Variants in PCDHGA10 observed in about 807,000 individuals in gnomAD.
PCDHGA10 encodes protocadherin gamma-A10.
In PCDHGA10, 42 loss-of-function variants were observed where a neutral mutation model predicts 59.5. The observed-to-expected ratio is 0.71, with a 90% CI of 0.55 to 0.91. PCDHGA10 has a LOEUF of 0.91. Among genes scored for constraint, PCDHGA10 ranks in the 40% least tolerant of loss-of-function variants. The pLI is 0.00. For synonymous variants in PCDHGA10, 511 were observed against 517.2 expected, an observed-to-expected ratio of 0.99 and a Z score of 0.16; for missense variants, 1,111 against 1,198.2, an observed-to-expected ratio of 0.93 and a Z score of 1.07.
intron 3 of PCDHGA10, among the ~76,000 whole-genome samples, chr5:141,507,918 G>C (rs1409126707): frequency 6.6e-6 from 1 of 152,208 alleles, no homozygotes; most frequent in Non-Finnish European, 1.5e-5. Flanking sequence ...CAGGCCTGTG[G>C]GGCTGCTGAG....
intron 1 of PCDHGA10, chr5:141,441,986 C>A (rs2098288559): frequency 1.1e-5 from 3 of 269,098 alleles, no homozygotes; most frequent in South Asian, 7.5e-5. Context: ...GAATGCGCAC[C>A]GACGAGGTGC....
chr5:141,491,048 C>G lies in PCDHGA10; in HGVS notation c.2437-3759C>G. On this transcript the variant is annotated intron_variant, in intron 1 of 3. Coordinates refer to ENST00000398610, the MANE Select transcript of PCDHGA10 (RefSeq NM_018913.3). The surrounding 1 kb of genome is among the most constrained non-coding windows in gnomAD (Gnocchi z 6.9). ...GTGGATGCTGATGCAGGCCACAATGCGTGGCTCTCCTACTCACTGTTGCCA... is the reference window on the plus strand; with the variant it reads ...GTGGATGCTGATGCAGGCCACAATGGGTGGCTCTCCTACTCACTGTTGCCA... 1.2e-6 allele frequency: 2 copies of G among 1,614,066 alleles called. No individual in the cohort carries two copies. Among genetic ancestry groups the G allele is most frequent in the Non-Finnish European group, 8.5e-7 (1 of 1,179,952 alleles).
At chr5:141,418,423 T>G (rs1469880702) in intron 1 of PCDHGA10, 1 of 1,613,868 alleles carries the variant, frequency 6.2e-7, no homozygotes. Flanking sequence ...ATCCTGATGG[T>G]GGCAAATATC....
At chr5:141,421,718 G>C (rs778263773) in intron 1 of PCDHGA10, 1 of 1,613,966 alleles carries the variant, frequency 6.2e-7, no homozygotes, top group Middle Eastern at 1.7e-4. Context: ...CCAGATGTGG[G>C]CGTGAACTCC....
chr5:141,463,644 G>C (rs1356692609), intron 1 of PCDHGA10, among the ~76,000 whole-genome samples: 1 of 151,596 alleles, frequency 6.6e-6, no homozygotes, highest in Non-Finnish European at 1.5e-5. Context: ...GTAGAGACGG[G>C]GTTTCACCGT....
At chr5:141,451,812 C>T (rs974567828) in intron 1 of PCDHGA10, among the ~76,000 whole-genome samples, 1 of 149,686 alleles carries the variant, frequency 6.7e-6, no homozygotes, top group Non-Finnish European at 1.5e-5. Context: ...ACCCAGGAGG[C>T]GGAGGTTACA....
intron 1 of PCDHGA10, among the ~76,000 whole-genome samples, chr5:141,475,620 G>A (rs2154572702): frequency 6.6e-6 from 1 of 152,238 alleles, no homozygotes; most frequent in Admixed American, 6.5e-5. Flanking sequence ...TTTTCGGTTT[G>A]GTTCGATCCC....
chr5:141,422,968 C>T lies in PCDHGA10; in HGVS notation c.2436+7357C>T. 6.2e-7 allele frequency: 1 copy of T among 1,614,240 alleles called. No homozygotes were observed. Among genetic ancestry groups the T allele is most frequent in the South Asian group, 1.1e-5 (1 of 91,086 alleles). On this transcript the variant is annotated intron_variant, in intron 1 of 3. Coordinates refer to ENST00000398610, the MANE Select transcript of PCDHGA10 (RefSeq NM_018913.3). ...CTCCACTGGCGTGGAGCTGGCGCCC[C>T]GCTCTGCGGAACCTGGCTACCTGGT...
At chr5:141,484,468 C>T (rs2099596877) in intron 1 of PCDHGA10, among the ~76,000 whole-genome samples, 1 of 152,200 alleles carries the variant, frequency 6.6e-6, no homozygotes, top group South Asian at 2.1e-4. Context: ...ATGTGTAAGC[C>T]TTTTCTGCAA....
intron 1 of PCDHGA10, among the ~76,000 whole-genome samples, chr5:141,463,542 G>A (rs1376087953): frequency 7.1e-6 from 1 of 141,810 alleles, no homozygotes; most frequent in African/African-American, 2.6e-5. Context: ...TCCGGCTCCC[G>A]GGTTCATGCC....
chr5:141,488,095 A>G (rs78361634), intron 1 of PCDHGA10, among the ~76,000 whole-genome samples: 8,142 of 152,146 alleles, frequency 0.054, 446 homozygotes, highest in African/African-American at 0.15. Flanking sequence ...CTGTGAAGGG[A>G]CCTCTCTATT....
chr5:141,433,159 T>C, intron 1 of PCDHGA10: 2 of 1,613,968 alleles, frequency 1.2e-6, no homozygotes, highest in Non-Finnish European at 1.7e-6. Flanking sequence ...CGGTATTTTC[T>C]AAAGACAGTC....
At chr5:141,419,620 G>A (rs776986192) in intron 1 of PCDHGA10, 9 of 1,612,304 alleles carry the variant, frequency 5.6e-6, no homozygotes, top group Non-Finnish European at 7.6e-6. Context: ...CAGGCTACCT[G>A]GTGACCAAGG....
intron 1 of PCDHGA10, chr5:141,440,642 A>G (rs1351979857): frequency 6.6e-6 from 1 of 152,234 alleles, no homozygotes; most frequent in African/African-American, 2.4e-5. Context: ...AATTCCTTAC[A>G]AAATTATCAC....
chr5:141,423,957 T>G, intron 1 of PCDHGA10: 1 of 1,183,084 alleles, frequency 8.5e-7, no homozygotes, highest in Non-Finnish European at 1.1e-6. Context: ...TTTAGTATTA[T>G]TTTTCTATTA....
At chr5:141,455,160 G>GT (rs59530096) in intron 1 of PCDHGA10, among the ~76,000 whole-genome samples, 26,536 of 149,098 alleles carry the variant, frequency 0.18, 2,386 homozygotes, top group South Asian at 0.23. Flanking sequence ...TAGTTTGTTG[G>GT]TTTTTTTTTT....
At chr5:141,447,834 C>T (rs2098552835) in intron 1 of PCDHGA10, among the ~76,000 whole-genome samples, 1 of 151,844 alleles carries the variant, frequency 6.6e-6, no homozygotes, top group African/African-American at 2.4e-5. Flanking sequence ...GCCTGTAATC[C>T]CAGTGCTTTG....
In PCDHGA10 at chr5:141,432,751, G is replaced by A; in HGVS notation, c.2436+17140G>A. The A allele has an allele frequency of 6.2e-7, 1 of 1,614,130 alleles. No homozygotes were observed. Among genetic ancestry groups the A allele is most frequent in the Non-Finnish European group, 8.5e-7 (1 of 1,179,982 alleles). Reference sequence around the variant, plus strand: ...CCACTGTCACGCTCACCGTGGCCGTGGCCGACAGCATCCCCCAAGTCCTGG... The same window carrying A: ...CCACTGTCACGCTCACCGTGGCCGTAGCCGACAGCATCCCCCAAGTCCTGG... On this transcript the variant is annotated intron_variant, in intron 1 of 3. Transcript: ENST00000398610. This position sits in a 1 kb window ranked among gnomAD's most constrained non-coding sequence, Gnocchi z 6.0.
rs137901127 is a variant in PCDHGA10 at position 141,436,420 on chromosome 5, A to G, written c.2436+20809A>G. 1.4e-3 allele frequency among the ~76,000 whole-genome samples: 213 copies of G among 152,326 alleles called. 1 individual carries two copies. The highest frequency in any genetic ancestry group is 4.8e-3 in the African/African-American group (199 of 41,594). ...AGTTGTTGAATGAATGGATAAACAA[A>G]TAATGTACTCTGGGGATTACCTGAT... On this transcript the variant is annotated intron_variant, in intron 1 of 3. Coordinates refer to ENST00000398610, the MANE Select transcript of PCDHGA10 (RefSeq NM_018913.3).
Sources: allele counts gnomAD v4.1 joint callset (sites outside exome capture counted in the v4.1 genomes callset), GRCh38; gene constraint gnomAD v4.1.1; non-coding constraint Gnocchi (gnomAD v3.1); transcripts MANE v1.5; gene names NCBI Gene and HGNC (gene_info 2026-07-23, HGNC 2026-07-21).